The following DNAH8 variants were observed in gnomAD, a reference collection of about 807,000 sequenced individuals.
DNAH8 encodes the protein dynein axonemal heavy chain 8.
A neutral mutation model predicts 562.1 loss-of-function variants in DNAH8; 382 were observed. The ratio of observed to expected loss-of-function variants is 0.68; its 90% CI spans 0.63 to 0.74. The LOEUF (loss-of-function observed/expected upper bound fraction) is 0.74, where lower values mean the gene tolerates loss of function less well. DNAH8 is among the 30% of genes least tolerant of loss of function. The probability of loss-of-function intolerance (pLI) is 0.00; values close to 1 mark genes in which losing one functional copy is unlikely to be tolerated. For missense variants in DNAH8, 5,203 were observed against 5,620.4 expected (o/e 0.93, Z 2.37); for synonymous variants, 1,881 against 1,919.4 (o/e 0.98, Z 0.52).
intron 20 of DNAH8, among the ~76,000 whole-genome samples, chr6:38,791,005 G>A (rs769540895): frequency 3.3e-5 from 5 of 152,056 alleles, no homozygotes; most frequent in African/African-American, 1.2e-4. Context: ...GCAGAGGAGA[G>A]TGCTTAAATA....
chr6:38,925,498 G>A (rs1302497466), intron 73 of DNAH8, among the ~76,000 whole-genome samples: 1 of 151,816 alleles, frequency 6.6e-6, no homozygotes, highest in Non-Finnish European at 1.5e-5. Context: ...GCCTGGCCCG[G>A]TGATTTTATT....
At chr6:38,770,608 G>T (rs759607481) in intron 12 of DNAH8, 49 bp downstream of exon 12, 1 of 1,493,924 alleles carries the variant, frequency 6.7e-7, no homozygotes, top group African/African-American at 1.4e-5. Flanking sequence ...CACCTTTTTG[G>T]TGATTTTGTA....
intron 56 of DNAH8, among the ~76,000 whole-genome samples, chr6:38,884,411 A>G (rs922361248): frequency 6.6e-6 from 1 of 152,152 alleles, no homozygotes; most frequent in African/African-American, 2.4e-5. Context: ...TCCCTTCCTC[A>G]GCCACCTGAG....
At position 38,924,120 on chromosome 6, in the gene DNAH8, A is replaced by G; in HGVS notation, c.10920A>G (p.Thr3640=). 6.2e-7 allele frequency: 1 copy of G among 1,614,028 alleles called. No individual in the cohort carries two copies. Among genetic ancestry groups the G allele is most frequent in the Non-Finnish European group, 8.5e-7 (1 of 1,179,914 alleles). Residue 3640 remains threonine, a synonymous_variant, in exon 73 of 93, where the codon ACA becomes ACG. Coordinates refer to ENST00000327475, the MANE Select transcript of DNAH8 (RefSeq NM_001206927.2). Reference sequence around the variant, plus strand: ...TGAGAGCACGGAAAATTCCTTTCACAGAAAACCTGAATCTTATTTCAATGT... The same window carrying G: ...TGAGAGCACGGAAAATTCCTTTCACGGAAAACCTGAATCTTATTTCAATGT... ...MELRARKIPF[T]ENLNLISMLV...
chr6:38,810,844 C>T (rs999449258), intron 24 of DNAH8, among the ~76,000 whole-genome samples: 1 of 152,130 alleles, frequency 6.6e-6, no homozygotes, highest in Non-Finnish European at 1.5e-5. Flanking sequence ...TAGTGAGGAT[C>T]TGTGAGAGGT....
At chr6:38,863,516 CAACAACA>C (rs1776802599) in intron 44 of DNAH8, among the ~76,000 whole-genome samples, 1 of 151,986 alleles carries the variant, frequency 6.6e-6, no homozygotes, top group African/African-American at 2.4e-5. Flanking sequence ...ACAACAACAA[CAACAACA>C]AACAAAACAA....
chr6:38,747,335 G>A (rs1346987088), intron 8 of DNAH8, among the ~76,000 whole-genome samples: 3 of 151,494 alleles, frequency 2.0e-5, no homozygotes, highest in African/African-American at 7.3e-5. Context: ...TTTCCCAAAT[G>A]GCTGGCTAAT....
chr6:38,839,411 G>A (rs928178089), intron 33 of DNAH8, among the ~76,000 whole-genome samples: 4 of 151,272 alleles, frequency 2.6e-5, no homozygotes, highest in African/African-American at 9.7e-5. Context: ...TCTGTTGCTA[G>A]TACTGGAGTG....
chr6:39,013,850 A>G (rs1418699916), intron 91 of DNAH8, among the ~76,000 whole-genome samples: 1 of 150,466 alleles, frequency 6.6e-6, no homozygotes, highest in Non-Finnish European at 1.5e-5. Context: ...GACCCTATCT[A>G]AAAAAGAGAG....
At chr6:38,894,608 C>T (rs1397544787) in intron 58 of DNAH8, 93 bp from the exon 59 acceptor site, 4 of 1,026,776 alleles carry the variant, frequency 3.9e-6, no homozygotes, top group Non-Finnish European at 5.8e-6. Flanking sequence ...CAGATTTTAT[C>T]TAAAATAGGA....
intron 91 of DNAH8, among the ~76,000 whole-genome samples, chr6:39,023,278 G>T (rs1338317090): frequency 6.6e-6 from 1 of 152,162 alleles, no homozygotes; most frequent in Non-Finnish European, 1.5e-5. Context: ...GGATCACGAG[G>T]TCAGGAGATC....
In DNAH8 at chr6:38,826,312, A is replaced by G. The variant is rs773090243; in HGVS notation, c.4004A>G (p.Asp1335Gly). Residue 1335 changes from aspartate to glycine, a missense_variant, in exon 29 of 93, where the codon GAT (aspartate) becomes GGT (glycine). Transcript: ENST00000327475. ...KLSRPIRDLD[D>G]VRFAMEALSC... ...TCTAGACCTATTCGTGATTTAGATGATGTCAGATTTGCAATGGAAGCCTTG... is the reference window on the plus strand; with the variant it reads ...TCTAGACCTATTCGTGATTTAGATGGTGTCAGATTTGCAATGGAAGCCTTG... 4 of 1,613,680 alleles carry G rather than the reference A, an allele frequency of 2.5e-6. No homozygotes were observed. In the South Asian group the frequency reaches 4.4e-5, roughly 18 times the overall value.
chr6:38,888,260 C>T (rs951833701), intron 57 of DNAH8, among the ~76,000 whole-genome samples: 3 of 151,942 alleles, frequency 2.0e-5, no homozygotes, highest in Non-Finnish European at 4.4e-5. Context: ...AGATAAGGAC[C>T]TAAATATGGA....
At position 38,984,923 on chromosome 6, in the gene DNAH8, C is replaced by A. The variant is rs149230068; in HGVS notation, c.13053+616C>A. Among the ~76,000 whole-genome samples the A allele has an allele frequency of 3.0e-4, 46 of 152,326 alleles. No homozygotes were observed. The East Asian group carries it at 6.9e-3, about 23-fold the overall frequency. ...CTGCTTGTGCCCAGGGCCTCTCCCCCACTGCCCCTCCTCCATCTTCCGCAT... is the reference window on the plus strand; with the variant it reads ...CTGCTTGTGCCCAGGGCCTCTCCCCAACTGCCCCTCCTCCATCTTCCGCAT... On this transcript the variant is annotated intron_variant, in intron 87 of 92. Coordinates refer to ENST00000327475, the MANE Select transcript of DNAH8 (RefSeq NM_001206927.2).
chr6:38,772,970 A>AATTTTTTTTTT, intron 12 of DNAH8, among the ~76,000 whole-genome samples: 1 of 65,476 alleles, frequency 1.5e-5, no homozygotes, highest in Non-Finnish European at 3.0e-5. Context: ...AGCTAATTAA[A>AATTTTTTTTTT]CTTTTTTTTT....
chr6:38,991,726 C>T lies in DNAH8; in HGVS notation c.13214+1554C>T, dbSNP rs147047898. Among the ~76,000 whole-genome samples, 4 of 152,318 alleles carry T rather than the reference C, an allele frequency of 2.6e-5. No homozygotes were observed. The East Asian group carries it at 7.7e-4, about 29-fold the overall frequency. Reference sequence around the variant, plus strand: ...ACTCAGGCCAGACAGCTTCCTGTTACTCAGACAGGCCAGACAGCACCTGCC... The same window carrying T: ...ACTCAGGCCAGACAGCTTCCTGTTATTCAGACAGGCCAGACAGCACCTGCC... On this transcript the variant is annotated intron_variant, in intron 88 of 92. Transcript: ENST00000327475.
chr6:38,990,765 C>T (rs1764729658), intron 88 of DNAH8, among the ~76,000 whole-genome samples: 1 of 152,100 alleles, frequency 6.6e-6, no homozygotes, highest in Non-Finnish European at 1.5e-5. Flanking sequence ...GGTCCCTGCT[C>T]CACTCATCAC....
Position 38,783,019 on chromosome 6 carries a change from T to G in DNAH8, c.2275T>G (p.Leu759Val), listed in dbSNP as rs753469141. Residue 759 changes from leucine to valine, a missense_variant, in exon 17 of 93, where the codon TTA becomes GTA. Leu to Val is a conservative substitution (Grantham distance 32, BLOSUM62 1). Transcript: ENST00000327475. ...INYFFKNSDI[L>V]SSPDGKAVIR... is the part of the protein sequence containing the mutation. ...AAAAAAACAGAAAAACTCAGACATT[T>G]TATCAAGTCCGGACGGTAAAGCTGT... 2.9e-5 allele frequency: 47 copies of G among 1,611,284 alleles called. No homozygotes were observed. The highest frequency in any genetic ancestry group is 4.0e-5 in the Non-Finnish European group (47 of 1,179,378).
At position 38,945,569 on chromosome 6, in the gene DNAH8, T is replaced by C. The variant is rs1391386376; in HGVS notation, c.12110T>C (p.Phe4037Ser). 1 of 1,614,022 alleles carries C rather than the reference T, an allele frequency of 6.2e-7. No individual in the cohort carries two copies. The highest frequency in any genetic ancestry group is 1.3e-5 in the African/African-American group (1 of 74,924). Residue 4037 changes from phenylalanine to serine, a missense_variant, in exon 80 of 93, where the codon TTT becomes TCT. Physicochemically the swap from Phe to Ser is radical, Grantham distance 155. Coordinates refer to ENST00000327475, the MANE Select transcript of DNAH8 (RefSeq NM_001206927.2). The stretch of plus-strand genomic sequence containing the variant: ...GTGGAGCTGAGTAAACTTCCACAAT[T>C]TGCAGAAATTATGAACCAGGTAATA... ...NLVELSKLPQ[F>S]AEIMNQISRN... is the part of the protein sequence containing the mutation.
Sources: gnomAD v4.1 joint callset for allele counts (sites outside exome capture counted in the v4.1 genomes callset) on GRCh38, gnomAD v4.1.1 for gene constraint, MANE v1.5 for transcripts, NCBI Gene and HGNC (gene_info 2026-07-23, HGNC 2026-07-21) for gene names.